LHFPL6: variants seen among roughly 807,000 people sequenced by gnomAD.
LHFPL6 encodes the protein LHFPL tetraspan subfamily member 6 protein.
LHFPL6 carries 9 observed loss-of-function variants against 20.6 expected under a neutral mutation model. That is an observed-to-expected ratio of 0.44 (90% CI 0.26 to 0.76). The LOEUF (loss-of-function observed/expected upper bound fraction) is 0.76. Among genes scored for constraint, LHFPL6 ranks in the 30% least tolerant of loss-of-function variants. LHFPL6 has a pLI of 0.20. For missense variants in LHFPL6, 218 were observed against 253.5 expected, an observed-to-expected ratio of 0.86 and a Z score of 0.95; for synonymous variants, 105 against 98.7, an observed-to-expected ratio of 1.06 and a Z score of -0.38.
At chr13:39,484,802 G>A (rs1275543842) in intron 2 of LHFPL6, among the ~76,000 whole-genome samples, 1 of 152,172 alleles carries the variant, frequency 6.6e-6, no homozygotes, top group East Asian at 1.9e-4. Context: ...AGGAGGAGGT[G>A]AGAAATGTGT....
intron 2 of LHFPL6, among the ~76,000 whole-genome samples, chr13:39,459,127 A>C (rs1436941144): frequency 2.6e-5 from 4 of 151,946 alleles, no homozygotes; most frequent in African/African-American, 9.7e-5. Context: ...CAAGAGGGAG[A>C]TAGATTATAA....
chr13:39,462,203 T>C (rs1052778632), intron 2 of LHFPL6, among the ~76,000 whole-genome samples: 1 of 152,200 alleles, frequency 6.6e-6, no homozygotes, highest in African/African-American at 2.4e-5. Context: ...AGGCTGGAGA[T>C]GACACTGCTA....
rs1593326406 is a variant in LHFPL6, at chr13:39,472,937, A to G, written c.386-94411T>C. Among the ~76,000 whole-genome samples the G allele has an allele frequency of 2.6e-5, 4 of 152,228 alleles. No homozygotes were observed. In the South Asian group the frequency reaches 8.3e-4, roughly 32 times the overall value. On this transcript the variant is annotated intron_variant, in intron 2 of 3. Coordinates refer to ENST00000379589, the MANE Select transcript of LHFPL6 (RefSeq NM_005780.3). ...CCTTCTTTATTAACAACAGGCCTTC[A>G]CTAGTATAGTCCTTTCCAAAACTGC...
chr13:39,507,211 C>T (rs1232078590), intron 2 of LHFPL6, among the ~76,000 whole-genome samples: 3 of 152,162 alleles, frequency 2.0e-5, no homozygotes, highest in Admixed American at 1.3e-4. Context: ...CTCTCCATCA[C>T]GGGTAGCCAA....
intron 2 of LHFPL6, among the ~76,000 whole-genome samples, chr13:39,421,016 T>C (rs2138395982): frequency 6.6e-6 from 1 of 152,308 alleles, no homozygotes; most frequent in South Asian, 2.1e-4. Context: ...AAAGGAGTTG[T>C]GCTTTATCAT....
At chr13:39,504,335 T>C (rs1022260938) in intron 2 of LHFPL6, among the ~76,000 whole-genome samples, 30 of 152,374 alleles carry the variant, frequency 2.0e-4, no homozygotes, top group African/African-American at 6.7e-4. Flanking sequence ...TTATATCTTA[T>C]GGGATCTTAA....
chr13:39,442,860 A>G (rs1053924412), intron 2 of LHFPL6, among the ~76,000 whole-genome samples: 1 of 152,066 alleles, frequency 6.6e-6, no homozygotes, highest in Non-Finnish European at 1.5e-5. Flanking sequence ...TTCAAATACT[A>G]CTGTCCTCAA....
chr13:39,344,704 C>T (rs1869342663), intron 3 of LHFPL6, among the ~76,000 whole-genome samples: 1 of 152,096 alleles, frequency 6.6e-6, no homozygotes, highest in Non-Finnish European at 1.5e-5. Flanking sequence ...ATAACAAACC[C>T]AAAATATTAA....
intron 2 of LHFPL6, among the ~76,000 whole-genome samples, chr13:39,452,444 G>T (rs1445882879): frequency 6.6e-6 from 1 of 152,170 alleles, no homozygotes; most frequent in Non-Finnish European, 1.5e-5. Flanking sequence ...AAGGGAGGAG[G>T]GGGTCATACA....
intron 2 of LHFPL6, among the ~76,000 whole-genome samples, chr13:39,451,723 CT>C (rs774510536): frequency 6.6e-6 from 1 of 152,158 alleles, no homozygotes; most frequent in Admixed American, 6.5e-5. Context: ...TTTAATAAGT[CT>C]CATAAAGTAG....
intron 2 of LHFPL6, among the ~76,000 whole-genome samples, chr13:39,528,381 C>G (rs950336695): frequency 2.0e-5 from 3 of 152,132 alleles, no homozygotes. Flanking sequence ...AATTAAAGCT[C>G]ATCTAATAAG....
chr13:39,434,147 TG>T (rs976288588), intron 2 of LHFPL6, among the ~76,000 whole-genome samples: 9 of 152,226 alleles, frequency 5.9e-5, no homozygotes, highest in Non-Finnish European at 1.2e-4. Flanking sequence ...GCCCTTGATT[TG>T]GGGAGATCTT....
intron 2 of LHFPL6, among the ~76,000 whole-genome samples, chr13:39,458,610 G>T (rs937287240): frequency 6.6e-6 from 1 of 151,584 alleles, no homozygotes; most frequent in Admixed American, 6.6e-5. Flanking sequence ...GAGATGGGAG[G>T]ATCACCTGAG....
intron 2 of LHFPL6, among the ~76,000 whole-genome samples, chr13:39,460,028 C>T (rs778671470): frequency 1.3e-5 from 2 of 150,994 alleles, no homozygotes; most frequent in Non-Finnish European, 2.9e-5. Flanking sequence ...GTCTTTGTAT[C>T]TTAATCCCTC....
intron 2 of LHFPL6, among the ~76,000 whole-genome samples, chr13:39,429,673 T>C (rs962828750): frequency 6.6e-6 from 1 of 152,158 alleles, no homozygotes; most frequent in Non-Finnish European, 1.5e-5. Flanking sequence ...TAATCCTCTT[T>C]ATGAAAAAAA....
At chr13:39,422,504 T>C (rs1226033351) in intron 2 of LHFPL6, among the ~76,000 whole-genome samples, 2 of 149,856 alleles carry the variant, frequency 1.3e-5, no homozygotes, top group Non-Finnish European at 3.0e-5. Context: ...GAGAATTGCT[T>C]GAACCTAGGA....
At chr13:39,598,656 C>T (rs138899911) in intron 2 of LHFPL6, among the ~76,000 whole-genome samples, 267 of 152,152 alleles carry the variant, frequency 1.8e-3, no homozygotes, top group Middle Eastern at 6.8e-3. Flanking sequence ...CCTGGGTTCA[C>T]GCCATTCTCC....
chr13:39,367,893 A>C (rs1870053435), intron 3 of LHFPL6, among the ~76,000 whole-genome samples: 1 of 152,234 alleles, frequency 6.6e-6, no homozygotes, highest in African/African-American at 2.4e-5. Context: ...TCATCAAAAC[A>C]TCCAGTTGCT....
Position 39,492,019 on chromosome 13 carries a change from T to G in LHFPL6, c.385+108813A>C, listed in dbSNP as rs141114622. 5.0e-3 allele frequency among the ~76,000 whole-genome samples: 767 copies of G among 152,364 alleles called. 3 individuals are homozygous for G. The highest frequency in any genetic ancestry group is 0.017 in the African/African-American group (713 of 41,594). On this transcript the variant is annotated intron_variant, in intron 2 of 3. Transcript: ENST00000379589. ...GAGCCAAGGGCCTCTTAAAATACAT[T>G]AAGCTGTGACCTTCTGGCAGATGGG... is the stretch of plus-strand genomic sequence containing the variant.
Sources: gnomAD v4.1 joint callset for allele counts (sites outside exome capture counted in the v4.1 genomes callset) on GRCh38, gnomAD v4.1.1 for gene constraint, MANE v1.5 for transcripts, NCBI Gene and HGNC (gene_info 2026-07-23, HGNC 2026-07-21) for gene names.